Variants in GPC5 observed in about 807,000 individuals in gnomAD.
GPC5 encodes the protein glypican 5, also known as glypican-5.
A neutral mutation model predicts 53.9 loss-of-function variants in GPC5; 47 were observed. The ratio of observed to expected loss-of-function variants is 0.87; its 90% confidence interval spans 0.69 to 1.11. The LOEUF is 1.11. GPC5 is among the 50% of genes most tolerant of loss of function. GPC5 has a pLI of 0.00. For missense variants in GPC5, 748 were observed against 713.1 expected (o/e 1.05, Z -0.56); for synonymous variants, 286 against 263.3 (o/e 1.09, Z -0.84).
intron 7 of GPC5, among the ~76,000 whole-genome samples, chr13:92,616,125 G>A (rs1253891311): frequency 2.0e-5 from 3 of 152,144 alleles, no homozygotes; most frequent in Admixed American, 6.5e-5. Context: ...AGCATGTAAA[G>A]CAAATGAAAA....
chr13:92,136,860 C>T (rs1376525750), intron 6 of GPC5, among the ~76,000 whole-genome samples: 2 of 152,164 alleles, frequency 1.3e-5, no homozygotes, highest in Non-Finnish European at 2.9e-5. Context: ...AATTAATTCA[C>T]CAGCTGAAAG....
At chr13:92,680,809 C>T (rs371303269) in intron 7 of GPC5, among the ~76,000 whole-genome samples, 1 of 152,140 alleles carries the variant, frequency 6.6e-6, no homozygotes, top group Non-Finnish European at 1.5e-5. Flanking sequence ...GACCCATAAA[C>T]GCAACGGGAA....
At chr13:92,299,853 G>A (rs1326157890) in intron 7 of GPC5, among the ~76,000 whole-genome samples, 3 of 152,152 alleles carry the variant, frequency 2.0e-5, no homozygotes, top group East Asian at 1.9e-4. Context: ...AAGCTTCTAC[G>A]TTGTTAGTGT....
At chr13:92,353,283 A>G (rs977055554) in intron 7 of GPC5, among the ~76,000 whole-genome samples, 2 of 150,418 alleles carry the variant, frequency 1.3e-5, no homozygotes, top group Non-Finnish European at 3.0e-5. Flanking sequence ...AAAAAAAAAA[A>G]AGAAATGTGT....
At chr13:91,512,692 G>C (rs1885297575) in intron 2 of GPC5, among the ~76,000 whole-genome samples, 1 of 152,182 alleles carries the variant, frequency 6.6e-6, no homozygotes. Context: ...GTAAATGGCT[G>C]TTAAAGGTAT....
At chr13:92,290,937 C>T (rs563676960) in intron 7 of GPC5, among the ~76,000 whole-genome samples, 6 of 152,194 alleles carry the variant, frequency 3.9e-5, no homozygotes, top group South Asian at 4.1e-4. Flanking sequence ...TGTGGGCCAG[C>T]GTGAGTTCTG....
chr13:92,666,866 G>A (rs1215445344), intron 7 of GPC5, among the ~76,000 whole-genome samples: 1 of 152,178 alleles, frequency 6.6e-6, no homozygotes, highest in Non-Finnish European at 1.5e-5. Flanking sequence ...ATTTCCAAGA[G>A]GAGCTATATT....
intron 1 of GPC5, among the ~76,000 whole-genome samples, chr13:91,421,456 CTAA>C: frequency 6.6e-6 from 1 of 152,190 alleles, no homozygotes; most frequent in Admixed American, 6.5e-5. Context: ...ACTCAGAAGA[CTAA>C]TATTTTAACT....
intron 7 of GPC5, among the ~76,000 whole-genome samples, chr13:92,323,585 T>C (rs1215407891): frequency 6.6e-6 from 1 of 151,756 alleles, no homozygotes; most frequent in African/African-American, 2.4e-5. Flanking sequence ...AAGAACAATT[T>C]ATTTTTACTT....
chr13:91,952,744 C>T (rs188111571), intron 6 of GPC5, among the ~76,000 whole-genome samples: 351 of 152,056 alleles, frequency 2.3e-3, no homozygotes, highest in Non-Finnish European at 3.5e-3. Context: ...AAAAAAAATA[C>T]GTAGTTTGAT....
At chr13:92,504,538 C>T (rs1880298172) in intron 7 of GPC5, among the ~76,000 whole-genome samples, 1 of 151,818 alleles carries the variant, frequency 6.6e-6, no homozygotes, top group African/African-American at 2.4e-5. Flanking sequence ...ATAAAATAAC[C>T]AAAACAATTG....
chr13:92,196,810 C>CAA (rs10693166), intron 7 of GPC5, among the ~76,000 whole-genome samples: 117,479 of 151,924 alleles, frequency 0.77, 45,646 homozygotes, highest in East Asian at 0.98. Context: ...TAAACAGGCG[C>CAA]AGACAGAAGC....
intron 7 of GPC5, among the ~76,000 whole-genome samples, chr13:92,222,376 A>G (rs541168486): frequency 2.0e-5 from 3 of 152,334 alleles, no homozygotes; most frequent in Non-Finnish European, 2.9e-5. Flanking sequence ...TTAAACACAG[A>G]GATGCACATA....
At chr13:92,195,250 G>C (rs143464704) in intron 7 of GPC5, among the ~76,000 whole-genome samples, 18 of 152,254 alleles carry the variant, frequency 1.2e-4, no homozygotes, top group African/African-American at 4.3e-4. Flanking sequence ...TTAATTCAGT[G>C]ATACATATGT....
chr13:91,421,738 G>T (rs1261155367), intron 1 of GPC5, among the ~76,000 whole-genome samples: 1 of 152,236 alleles, frequency 6.6e-6, no homozygotes. Flanking sequence ...CCTCAGTACA[G>T]TTTTACTAAC....
chr13:92,269,705 C>T (rs554308874), intron 7 of GPC5, among the ~76,000 whole-genome samples: 3 of 152,276 alleles, frequency 2.0e-5, no homozygotes, highest in Non-Finnish European at 2.9e-5. Context: ...CACACCTGGC[C>T]CGAAGGGATC....
At chr13:92,151,634 T>G (rs1232766903) in intron 7 of GPC5, among the ~76,000 whole-genome samples, 4 of 152,168 alleles carry the variant, frequency 2.6e-5, no homozygotes, top group African/African-American at 9.6e-5. Flanking sequence ...ACTTCCATCC[T>G]TTTGCAGGGC....
chr13:92,327,684 G>A (rs2043261714), intron 7 of GPC5, among the ~76,000 whole-genome samples: 1 of 152,132 alleles, frequency 6.6e-6, no homozygotes, highest in African/African-American at 2.4e-5. Context: ...GTGAATCACT[G>A]ACATAATTGT....
In GPC5 at chr13:91,693,413, T is replaced by C; in HGVS notation, c.552T>C (p.Thr184=). 2 of 1,614,152 alleles carry C rather than the reference T, an allele frequency of 1.2e-6. No homozygotes were observed. Among genetic ancestry groups the C allele is most frequent in the Non-Finnish European group, 1.7e-6 (2 of 1,180,002 alleles). The change falls in exon 3 of 8, where the codon ACT becomes ACC. Residue 184 remains threonine (T), a synonymous_variant. Coordinates refer to ENST00000377067, the MANE Select transcript of GPC5 (RefSeq NM_004466.6). ...VYNHLINPGV[T]DSSLEYSECI... ...ACCACCTCATTAACCCTGGTGTGAC[T>C]GACAGTTCCCTGGAATACTCAGAAT...
Sources: allele counts gnomAD v4.1 joint callset (sites outside exome capture counted in the v4.1 genomes callset), GRCh38; gene constraint gnomAD v4.1.1; transcripts MANE v1.5; gene names NCBI Gene and HGNC (gene_info 2026-07-23, HGNC 2026-07-21).